Variants in RORA observed in about 807,000 individuals in gnomAD.
The protein encoded by RORA is RAR related orphan receptor A, also known as nuclear receptor ROR-alpha.
A neutral mutation model predicts 69.5 loss-of-function variants in RORA; 7 were observed. That is an observed-to-expected ratio of 0.10 (90% confidence interval 0.06 to 0.19). The LOEUF (loss-of-function observed/expected upper bound fraction) is 0.19, where lower values mean the gene tolerates loss of function less well. Ranked by LOEUF, RORA falls within the 10% of genes least tolerant of loss-of-function variation. The probability of loss-of-function intolerance (pLI) is 1.00; values close to 1 mark genes in which losing one functional copy is unlikely to be tolerated. For missense variants in RORA, 457 were observed against 663.0 expected, an observed-to-expected ratio of 0.69 and a Z score of 3.41; for synonymous variants, 261 against 240.8, an observed-to-expected ratio of 1.08 and a Z score of -0.78.
At chr15:60,823,529 A>G (rs1035562489) in intron 1 of RORA, among the ~76,000 whole-genome samples, 2 of 152,232 alleles carry the variant, frequency 1.3e-5, no homozygotes, top group African/African-American at 4.8e-5. Context: ...CCTGGCACAC[A>G]GTGGGCACTC....
chr15:60,909,426 G>C (rs1045375995), intron 1 of RORA, among the ~76,000 whole-genome samples: 4 of 152,186 alleles, frequency 2.6e-5, no homozygotes, highest in Admixed American at 2.6e-4. Flanking sequence ...GTCAATGTTA[G>C]CAGTAAACCC....
intron 1 of RORA, among the ~76,000 whole-genome samples, chr15:60,944,020 A>T (rs1164808371): frequency 6.6e-6 from 1 of 152,012 alleles, no homozygotes; most frequent in Non-Finnish European, 1.5e-5. Context: ...AACAAACCAT[A>T]AAATGGAGGC....
At chr15:60,984,146 C>T (rs1194050997) in intron 1 of RORA, among the ~76,000 whole-genome samples, 1 of 152,066 alleles carries the variant, frequency 6.6e-6, no homozygotes, top group African/African-American at 2.4e-5. Context: ...TTCTCATATA[C>T]AATTATTTTC....
chr15:60,534,616 T>C lies in RORA; in HGVS notation c.197-2765A>G, dbSNP rs1251138290. Among the ~76,000 whole-genome samples, 3 of 152,178 alleles carry C rather than the reference T, an allele frequency of 2.0e-5. No individual in the cohort carries two copies. The highest frequency in any genetic ancestry group is 7.2e-5 in the African/African-American group (3 of 41,440). On this transcript the variant is annotated intron_variant, in intron 2 of 10. Transcript: ENST00000335670. This position sits in a 1 kb window ranked among gnomAD's most constrained non-coding sequence, Gnocchi z 5.0. ...CTCGGTAAGGTGGTAGAAGGGTTTCTGGATAGCAAGTTGAGGTATTCTGAT... is the reference window on the plus strand; with the variant it reads ...CTCGGTAAGGTGGTAGAAGGGTTTCCGGATAGCAAGTTGAGGTATTCTGAT...
intron 2 of RORA, among the ~76,000 whole-genome samples, chr15:60,576,173 C>T (rs1365559438): frequency 1.3e-5 from 2 of 152,222 alleles, no homozygotes; most frequent in African/African-American, 4.8e-5. Flanking sequence ...TGGGCCATTG[C>T]ACAACCTCTG....
At chr15:60,738,642 A>G (rs72750616) in intron 1 of RORA, among the ~76,000 whole-genome samples, 197 of 152,330 alleles carry the variant, frequency 1.3e-3, no homozygotes, top group Middle Eastern at 0.01. Flanking sequence ...TGTCCTTCTG[A>G]TTTGAAAAGA....
At chr15:60,543,119 C>T (rs967684668) in intron 2 of RORA, among the ~76,000 whole-genome samples, 2 of 142,000 alleles carry the variant, frequency 1.4e-5, no homozygotes, top group Non-Finnish European at 3.1e-5. Flanking sequence ...CAGCGCACCT[C>T]GTCTTGTTAC....
chr15:60,895,860 A>G (rs1038561105), intron 1 of RORA, among the ~76,000 whole-genome samples: 2 of 152,160 alleles, frequency 1.3e-5, no homozygotes, highest in Non-Finnish European at 1.5e-5. Context: ...TCACTGCTCA[A>G]TTTGTTCATT....
rs148730719 is a variant in RORA, at chr15:60,783,481, C to T, written c.167-104795G>A. ...ATTCACATATGCATTACCTCCCAAA[C>T]AGTATTTTTTGTGGTGAGAACACTT... On this transcript the variant is annotated intron_variant, in intron 1 of 10. Transcript: ENST00000335670. Among the ~76,000 whole-genome samples the T allele has an allele frequency of 4.4e-3, 668 of 152,174 alleles. 8 individuals are homozygous for T. The highest frequency in any genetic ancestry group is 0.016 in the African/African-American group (648 of 41,466).
intron 1 of RORA, among the ~76,000 whole-genome samples, chr15:61,155,560 G>T (rs1263898341): frequency 1.3e-5 from 2 of 152,206 alleles, no homozygotes; most frequent in African/African-American, 4.8e-5. Context: ...TGTTTGGGGA[G>T]TTGTGGCCGC....
chr15:60,507,654 G>C, intron 5 of RORA, among the ~76,000 whole-genome samples: 1 of 152,080 alleles, frequency 6.6e-6, no homozygotes, highest in South Asian at 2.1e-4. Context: ...TAAGAAACAA[G>C]AAAATACATA....
intron 1 of RORA, among the ~76,000 whole-genome samples, chr15:60,679,233 G>A (rs754094647): frequency 1.3e-5 from 2 of 152,144 alleles, no homozygotes; most frequent in Non-Finnish European, 2.9e-5. Flanking sequence ...GTCAGAAAGG[G>A]AATCACTGCT....
intron 1 of RORA, among the ~76,000 whole-genome samples, chr15:60,987,555 C>A (rs999630113): frequency 6.6e-6 from 1 of 151,990 alleles, no homozygotes; most frequent in Non-Finnish European, 1.5e-5. Context: ...TTACTGATGC[C>A]CTTCTCTCAT....
intron 1 of RORA, among the ~76,000 whole-genome samples, chr15:61,002,639 G>C (rs1008949226): frequency 6.6e-6 from 1 of 152,056 alleles, no homozygotes; most frequent in South Asian, 2.1e-4. Flanking sequence ...TACTTTATCC[G>C]AAGTGTCATC....
intron 1 of RORA, among the ~76,000 whole-genome samples, chr15:61,012,328 A>AC (rs1895111959): frequency 6.6e-6 from 1 of 152,230 alleles, no homozygotes; most frequent in Admixed American, 6.5e-5. Context: ...CCAAATTGGT[A>AC]CAGTAATCTT....
chr15:61,202,862 A>C (rs2079907966), intron 1 of RORA, among the ~76,000 whole-genome samples: 1 of 152,190 alleles, frequency 6.6e-6, no homozygotes, highest in South Asian at 2.1e-4. Context: ...TTAGGCTCTG[A>C]ATTTCCACTA....
chr15:60,729,042 G>C (rs1334914758), intron 1 of RORA, among the ~76,000 whole-genome samples: 1 of 152,106 alleles, frequency 6.6e-6, no homozygotes, highest in Non-Finnish European at 1.5e-5. Context: ...TTTTATTCTA[G>C]GTGTAATTAC....
At chr15:60,773,634 A>C (rs1258365871) in intron 1 of RORA, among the ~76,000 whole-genome samples, 1 of 152,200 alleles carries the variant, frequency 6.6e-6, no homozygotes, top group Non-Finnish European at 1.5e-5. Flanking sequence ...TCCATGTTAG[A>C]GGTAAAGTGA....
chr15:60,838,885 CACATAT>C lies in RORA; in HGVS notation c.167-160205_167-160200del, dbSNP rs1440887836. Among the ~76,000 whole-genome samples, 18 of 52,972 alleles carry C rather than the reference CACATAT, an allele frequency of 3.4e-4. 1 individual carries two copies. Among genetic ancestry groups the C allele is most frequent in the African/African-American group, 5.9e-4 (14 of 23,574 alleles). 34.8% of individuals were successfully genotyped at this position (52,972 alleles called of 152,430 possible). On this transcript the variant is annotated intron_variant, in intron 1 of 10. Coordinates refer to ENST00000335670, the MANE Select transcript of RORA (RefSeq NM_134261.3). ...ACACACACACACACACACACACACA[CACATAT>C]ACTTTTTTTTTTTTTCAGAGGGTGT...
Sources: gnomAD v4.1 joint callset for allele counts (sites outside exome capture counted in the v4.1 genomes callset) on GRCh38, gnomAD v4.1.1 for gene constraint, Gnocchi (gnomAD v3.1) non-coding constraint, MANE v1.5 for transcripts, NCBI Gene and HGNC (gene_info 2026-07-23, HGNC 2026-07-21) for gene names.